The following ABCC9 variants were observed in gnomAD, a reference collection of about 807,000 sequenced individuals.
The protein encoded by ABCC9 is ATP-binding cassette sub-family C member 9.
A neutral mutation model predicts 188.3 loss-of-function variants in ABCC9; 95 were observed. The ratio of observed to expected loss-of-function variants is 0.50; its 90% CI spans 0.43 to 0.60. The LOEUF is 0.60. Ranked by LOEUF, ABCC9 falls within the 20% of genes least tolerant of loss-of-function variation. The pLI, the probability that ABCC9 is intolerant of heterozygous loss-of-function variation, is 0.00. For synonymous variants in ABCC9, 659 were observed against 652.7 expected (o/e 1.01, Z -0.15); for missense variants, 1,102 against 1,876.3 (o/e 0.59, Z 7.62).
Position 21,881,707 on chromosome 12 carries a change from A to AACACACACAC in ABCC9, c.2019+1049_2019+1058dup, listed in dbSNP as rs3062604. ...TGAACATTATAATCGCCTAGGGAAC[A>AACACACACAC]ACACACACACACACACACACACACA... On this transcript the variant is annotated intron_variant, in intron 16 of 39. Transcript: ENST00000261200. Among the ~76,000 whole-genome samples the AACACACACAC allele has an allele frequency of 6.1e-5, 9 of 148,170 alleles. No individual in the cohort carries two copies. In the South Asian group the frequency reaches 6.5e-4, roughly 11 times the overall value.
chr12:21,845,467 T>C (rs1565731009), intron 26 of ABCC9, 136 bp downstream of exon 26: 2 of 696,656 alleles, frequency 2.9e-6, no homozygotes, highest in Non-Finnish European at 5.0e-6. Context: ...CAGGTCCTGT[T>C]GTAATTATTA....
At chr12:21,841,298 G>T in intron 29 of ABCC9, among the ~76,000 whole-genome samples, 1 of 143,130 alleles carries the variant, frequency 7.0e-6, no homozygotes. Flanking sequence ...CATTTGTAGA[G>T]TATAATAATA....
intron 25 of ABCC9, among the ~76,000 whole-genome samples, chr12:21,846,734 A>G (rs1426023111): frequency 6.6e-6 from 1 of 152,154 alleles, no homozygotes; most frequent in Non-Finnish European, 1.5e-5. Context: ...AGAACAGACT[A>G]GAAATTCGCA....
intron 14 of ABCC9, among the ~76,000 whole-genome samples, chr12:21,890,470 G>A (rs982417640): frequency 1.3e-5 from 2 of 152,050 alleles, no homozygotes; most frequent in African/African-American, 4.8e-5. Context: ...TGCTCCTGCT[G>A]TTAAAACATG....
intron 8 of ABCC9, among the ~76,000 whole-genome samples, 179 bp downstream of exon 8, chr12:21,912,693 T>C (rs1302957047): frequency 6.6e-6 from 1 of 152,068 alleles, no homozygotes; most frequent in Non-Finnish European, 1.5e-5. Context: ...AATGAATAAA[T>C]ACATAAACAC....
intron 5 of ABCC9, among the ~76,000 whole-genome samples, chr12:21,917,653 T>G: frequency 6.6e-6 from 1 of 152,164 alleles, no homozygotes; most frequent in Admixed American, 6.6e-5. Flanking sequence ...ACCACGCACT[T>G]TCACATAGCA....
At chr12:21,887,625 T>G (rs1946945975) in intron 15 of ABCC9, among the ~76,000 whole-genome samples, 1 of 152,150 alleles carries the variant, frequency 6.6e-6, no homozygotes, top group Non-Finnish European at 1.5e-5. Flanking sequence ...GATAATTTTT[T>G]CTGGATTTAT....
intron 31 of ABCC9, among the ~76,000 whole-genome samples, chr12:21,827,805 T>C (rs1435221497): frequency 6.6e-6 from 1 of 152,210 alleles, no homozygotes; most frequent in Non-Finnish European, 1.5e-5. Flanking sequence ...AAAATAACTA[T>C]GCTGTGCTGT....
intron 18 of ABCC9, among the ~76,000 whole-genome samples, chr12:21,870,061 C>A (rs903312395): frequency 6.6e-6 from 1 of 152,204 alleles, no homozygotes; most frequent in Middle Eastern, 3.4e-3. Flanking sequence ...ACATCCTTCA[C>A]CCCCTCCTGC....
chr12:21,913,136 C>T (rs1310631000), intron 7 of ABCC9, 70 bp from the exon 8 acceptor site: 12 of 1,357,300 alleles, frequency 8.8e-6, no homozygotes, highest in Non-Finnish European at 1.1e-5. Flanking sequence ...TAACTAATCT[C>T]ATGTATGGAA....
chr12:21,928,357 AAAG>A (rs1052329987), intron 4 of ABCC9, among the ~76,000 whole-genome samples: 20 of 148,704 alleles, frequency 1.3e-4, no homozygotes, highest in Non-Finnish European at 2.8e-4. Context: ...AAAGAGAAAG[AAAG>A]AAAGAAAAAG....
At chr12:21,829,362 C>A (rs1267554919) in intron 30 of ABCC9, among the ~76,000 whole-genome samples, 1 of 151,750 alleles carries the variant, frequency 6.6e-6, no homozygotes, top group South Asian at 2.1e-4. Flanking sequence ...CCACCATGCC[C>A]GGCTAATTTT....
chr12:21,859,506 C>G (rs1592089079), intron 22 of ABCC9, 80 bp downstream of exon 22: 1 of 1,379,304 alleles, frequency 7.3e-7, no homozygotes, highest in East Asian at 2.3e-5. Context: ...CCTTGAGTTA[C>G]TTGACTTACA....
At chr12:21,818,428 G>A (rs963482686) in intron 31 of ABCC9, among the ~76,000 whole-genome samples, 177 bp from the exon 32 acceptor site, 3 of 150,488 alleles carry the variant, frequency 2.0e-5, no homozygotes, top group Non-Finnish European at 3.0e-5. Context: ...ATTAGAGCTG[G>A]AATGGAGAGT....
intron 23 of ABCC9, 38 bp downstream of exon 23, chr12:21,852,330 A>G: frequency 6.2e-7 from 1 of 1,612,386 alleles, no homozygotes; most frequent in Non-Finnish European, 8.5e-7. Context: ...ATATGACTAT[A>G]ATATAAAAAT....
chr12:21,873,098 A>G (rs1479546715), intron 17 of ABCC9, among the ~76,000 whole-genome samples: 1 of 151,926 alleles, frequency 6.6e-6, no homozygotes, highest in Non-Finnish European at 1.5e-5. Context: ...TTCTATTTGA[A>G]GAAGAGAGTG....
intron 11 of ABCC9, among the ~76,000 whole-genome samples, chr12:21,907,326 C>A (rs141591940): frequency 2.0e-5 from 3 of 152,006 alleles, no homozygotes; most frequent in Non-Finnish European, 4.4e-5. Flanking sequence ...ACACCGCTTG[C>A]GTGACATGCA....
chr12:21,938,640 A>G lies in ABCC9; in HGVS notation c.-20-1946T>C, dbSNP rs139060845. Among the ~76,000 whole-genome samples, 433 of 152,330 alleles carry G rather than the reference A, an allele frequency of 2.8e-3. 1 individual carries two copies. The highest frequency in any genetic ancestry group is 1.0e-2 in the African/African-American group (414 of 41,590). On this transcript the variant is annotated intron_variant, in intron 2 of 39. Transcript: ENST00000261200. ...TCGCACAAACTAGAAAATGATTTTT[A>G]CTTTAGCAACTTTTATAATCTTATC...
At chr12:21,821,928 G>A (rs1023805502) in intron 31 of ABCC9, among the ~76,000 whole-genome samples, 4 of 151,982 alleles carry the variant, frequency 2.6e-5, no homozygotes, top group Non-Finnish European at 4.4e-5. Context: ...AAAACTACTT[G>A]TATAATTTTC....
Sources: gnomAD v4.1 joint callset for allele counts (sites outside exome capture counted in the v4.1 genomes callset) on GRCh38, gnomAD v4.1.1 for gene constraint, MANE v1.5 for transcripts, NCBI Gene and HGNC (gene_info 2026-07-23, HGNC 2026-07-21) for gene names.